Variants in JAK2 observed in about 807,000 individuals in gnomAD.
The protein encoded by JAK2 is tyrosine-protein kinase JAK2.
Under a neutral mutation model 139.3 loss-of-function variants are expected in JAK2, and 86 were observed. The ratio of observed to expected loss-of-function variants is 0.62; its 90% CI spans 0.52 to 0.74. The LOEUF (loss-of-function observed/expected upper bound fraction) is 0.74. Ranked by LOEUF, JAK2 falls within the 30% of genes least tolerant of loss-of-function variation. The pLI, the probability that JAK2 is intolerant of heterozygous loss-of-function variation, is 0.00. For synonymous variants in JAK2, 490 were observed against 437.7 expected (o/e 1.12, Z -1.49); for missense variants, 1,421 against 1,360.3 (o/e 1.04, Z -0.70).
At chr9:5,039,458 T>C (rs1816323905) in intron 4 of JAK2, among the ~76,000 whole-genome samples, 1 of 152,168 alleles carries the variant, frequency 6.6e-6, no homozygotes, top group Non-Finnish European at 1.5e-5. Context: ...GCAAATACTA[T>C]GCCTTTGTAT....
rs774749504 is a variant in JAK2 at position 5,054,613 on chromosome 9, A to T, written c.665A>T (p.His222Leu). 6.2e-7 allele frequency: 1 copy of T among 1,612,388 alleles called. No homozygotes were observed. Among genetic ancestry groups the T allele is most frequent in the South Asian group, 1.1e-5 (1 of 90,828 alleles). Residue 222 changes from histidine (H) to leucine (L), a missense_variant, in exon 7 of 25, where the codon CAT becomes CTT. Physicochemically the swap from His to Leu is moderately conservative, Grantham distance 99. Coordinates refer to ENST00000381652, the MANE Select transcript of JAK2 (RefSeq NM_004972.4). This position sits in a 1 kb window ranked among gnomAD's most constrained non-coding sequence, Gnocchi z 4.9. ...ATTCGAGCAAAGATCCAAGACTATC[A>T]TATTTTGACAAGGAAGCGAATAAGG... Reference protein sequence around the residue: ...KCIRAKIQDYHILTRKRIRYR... With the variant: ...KCIRAKIQDYLILTRKRIRYR...
chr9:5,018,009 G>T (rs1473665669), intron 2 of JAK2, among the ~76,000 whole-genome samples: 1 of 152,134 alleles, frequency 6.6e-6, no homozygotes, highest in Non-Finnish European at 1.5e-5. Flanking sequence ...ATGAGGTTTT[G>T]TAAGTGGCAT....
At chr9:5,048,108 C>G (rs1817147296) in intron 5 of JAK2, among the ~76,000 whole-genome samples, 1 of 152,060 alleles carries the variant, frequency 6.6e-6, no homozygotes, top group Non-Finnish European at 1.5e-5. Context: ...AGAATTTCCA[C>G]ATGAGCAGAA....
intron 8 of JAK2, among the ~76,000 whole-genome samples, chr9:5,061,074 A>C (rs1234080428): frequency 6.6e-6 from 1 of 152,188 alleles, no homozygotes; most frequent in Non-Finnish European, 1.5e-5. Flanking sequence ...ATGGGCTTAA[A>C]ATAGTCAGTA....
chr9:5,106,350 C>A (rs933459155), intron 22 of JAK2, among the ~76,000 whole-genome samples: 3 of 152,188 alleles, frequency 2.0e-5, no homozygotes, highest in African/African-American at 7.2e-5. Context: ...CAATGAGATA[C>A]CATCTCATGC....
At chr9:5,064,778 A>G in intron 8 of JAK2, 105 bp from the exon 9 acceptor site, 1 of 797,280 alleles carries the variant, frequency 1.3e-6, no homozygotes, top group Middle Eastern at 3.8e-4. Context: ...GATATGAGCA[A>G]TTTAGAAGAA....
intron 23 of JAK2, among the ~76,000 whole-genome samples, chr9:5,123,583 G>C (rs1332229762): frequency 6.6e-6 from 1 of 151,910 alleles, no homozygotes; most frequent in Non-Finnish European, 1.5e-5. Context: ...CCATGTCTTT[G>C]CTTTTGTGAA....
chr9:5,010,477 T>A (rs562398669), intron 2 of JAK2, among the ~76,000 whole-genome samples: 427 of 152,148 alleles, frequency 2.8e-3, no homozygotes, highest in African/African-American at 9.9e-3. Context: ...TGTACCACTA[T>A]GCCCGGCTAA....
chr9:5,069,233 T>A (rs1406280513), intron 11 of JAK2, 25 bp downstream of exon 11: 3 of 1,483,478 alleles, frequency 2.0e-6, no homozygotes, highest in East Asian at 4.5e-5. Context: ...TAGTTATTTT[T>A]AAATTACTGG....
At position 5,128,977 on chromosome 9, in the gene JAK2, T is replaced by G. The variant is rs1824178414; in HGVS notation, c.*2186T>G. On this transcript the variant is annotated 3_prime_UTR_variant, in exon 25 of 25. Transcript: ENST00000381652. ...ATAAATGACTTTTTCCATGGGTACTTGTTTGGAAAATAGTCACTTTTTCAC... is the reference window on the plus strand; with the variant it reads ...ATAAATGACTTTTTCCATGGGTACTGGTTTGGAAAATAGTCACTTTTTCAC... Among the ~76,000 whole-genome samples the G allele has an allele frequency of 6.6e-6, 1 of 152,002 alleles. No homozygotes were observed. Among genetic ancestry groups the G allele is most frequent in the Non-Finnish European group, 1.5e-5 (1 of 67,884 alleles).
chr9:4,997,371 G>A (rs892725469), intron 2 of JAK2, among the ~76,000 whole-genome samples: 1 of 152,146 alleles, frequency 6.6e-6, no homozygotes, highest in Non-Finnish European at 1.5e-5. Context: ...GGAGTCCTCC[G>A]GGAGCTTTTA....
intron 4 of JAK2, chr9:5,041,203 C>T: frequency 4.8e-6 from 7 of 1,454,882 alleles, no homozygotes; most frequent in Non-Finnish European, 6.7e-6. Flanking sequence ...ACGTGAAGCC[C>T]GAGAACTTCC....
In JAK2 at chr9:5,022,005, T is replaced by A. The variant is rs1822463819; in HGVS notation, c.18T>A (p.Leu6=). Residue 6 remains leucine (L), a synonymous_variant, in exon 3 of 25, where the codon CTT becomes CTA. Coordinates refer to ENST00000381652, the MANE Select transcript of JAK2 (RefSeq NM_004972.4). ...GACTCTGCATGGGAATGGCCTGCCT[T>A]ACGATGACAGAAATGGAGGGAACAT... MGMAC[L]TMTEMEGTST... 4 of 1,613,742 alleles carry A rather than the reference T, an allele frequency of 2.5e-6. No individual in the cohort carries two copies. The highest frequency in any genetic ancestry group is 3.4e-6 in the Non-Finnish European group (4 of 1,179,720).
chr9:5,113,444 A>C (rs1256509243), intron 22 of JAK2: 16 of 123,778 alleles, frequency 1.3e-4, no homozygotes, highest in Admixed American at 2.6e-4. Flanking sequence ...AAAAAAAAAA[A>C]AAAAACCCGG....
chr9:5,041,017 C>G, intron 4 of JAK2: 1 of 665,138 alleles, frequency 1.5e-6, no homozygotes. Flanking sequence ...CCCGCAGCTG[C>G]ACCTGGGTAC....
intron 11 of JAK2, 126 bp from the exon 12 acceptor site, chr9:5,069,799 A>C (rs1244990020): frequency 4.2e-6 from 2 of 471,522 alleles, no homozygotes; most frequent in African/African-American, 4.0e-5. Flanking sequence ...TCTATTATAA[A>C]AAAAGAACAA....
chr9:4,987,259 T>C (rs1819999552), intron 2 of JAK2, among the ~76,000 whole-genome samples: 1 of 152,180 alleles, frequency 6.6e-6, no homozygotes, highest in African/African-American at 2.4e-5. Flanking sequence ...TAGGGAATTT[T>C]GTGTGTGTGT....
At chr9:5,101,479 C>G (rs891781663) in intron 22 of JAK2, among the ~76,000 whole-genome samples, 1 of 152,268 alleles carries the variant, frequency 6.6e-6, no homozygotes, top group African/African-American at 2.4e-5. Flanking sequence ...GCAGCAGAAA[C>G]TTCTGCAGAC....
At chr9:4,991,064 G>A (rs1174617305) in intron 2 of JAK2, among the ~76,000 whole-genome samples, 1 of 152,048 alleles carries the variant, frequency 6.6e-6, no homozygotes, top group African/African-American at 2.4e-5. Context: ...GCCATCTCTG[G>A]GTGCTTTTGT....
Sources: allele counts gnomAD v4.1 joint callset (sites outside exome capture counted in the v4.1 genomes callset), GRCh38; gene constraint gnomAD v4.1.1; non-coding constraint Gnocchi (gnomAD v3.1); transcripts MANE v1.5; gene names NCBI Gene and HGNC (gene_info 2026-07-23, HGNC 2026-07-21).